The following NSUN2 variants were observed in gnomAD, a reference collection of about 807,000 sequenced individuals.
NSUN2 encodes the protein NOP2/Sun RNA methyltransferase 2.
NSUN2 carries 63 observed loss-of-function variants against 92.7 expected under a neutral mutation model. That is an observed-to-expected ratio of 0.68 (90% CI 0.56 to 0.84). The LOEUF (loss-of-function observed/expected upper bound fraction) is 0.84. Among genes scored for constraint, NSUN2 ranks in the 40% least tolerant of loss-of-function variants. The probability of loss-of-function intolerance (pLI) is 0.00; values close to 1 mark genes in which losing one functional copy is unlikely to be tolerated. For synonymous variants in NSUN2, 356 were observed against 348.3 expected, an observed-to-expected ratio of 1.02 and a Z score of -0.25; for missense variants, 989 against 964.9, an observed-to-expected ratio of 1.02 and a Z score of -0.33.
At chr5:6,612,557 G>C (rs149105169) in intron 9 of NSUN2, among the ~76,000 whole-genome samples, 2 of 152,288 alleles carry the variant, frequency 1.3e-5, no homozygotes, top group African/African-American at 4.8e-5. Context: ...CACAGATACT[G>C]ATGTGACAGC....
At chr5:6,616,040 G>C (rs577388665) in intron 9 of NSUN2, among the ~76,000 whole-genome samples, 1 of 152,002 alleles carries the variant, frequency 6.6e-6, no homozygotes, top group Non-Finnish European at 1.5e-5. Flanking sequence ...TTGTGCACTG[G>C]GGGTAGAAAT....
chr5:6,632,484 C>T lies in NSUN2; in HGVS notation c.254+115G>A, dbSNP rs776675662. The T allele has an allele frequency of 3.2e-6, 4 of 1,266,542 alleles. No individual in the cohort carries two copies. The East Asian group carries it at 9.4e-5, about 30-fold the overall frequency. 78.5% of individuals were successfully genotyped at this position (1,266,542 alleles called of 1,614,324 possible). On this transcript the variant is annotated intron_variant, in intron 2 of 18. Coordinates refer to ENST00000264670, the MANE Select transcript of NSUN2 (RefSeq NM_017755.6). ...CACCTCAATGCTTCCTGAATCCAAACCGCTGAAACGCCACGGTTCTCTGGC... is the reference window on the plus strand; with the variant it reads ...CACCTCAATGCTTCCTGAATCCAAATCGCTGAAACGCCACGGTTCTCTGGC...
rs1244494263 is a variant in NSUN2 at position 6,631,992 on chromosome 5, G to A, written c.255-15C>T. The A allele has an allele frequency of 5.1e-6, 8 of 1,583,978 alleles. No homozygotes were observed. Among genetic ancestry groups the A allele is most frequent in the Non-Finnish European group, 6.1e-6 (7 of 1,155,392 alleles). On this transcript the variant is annotated splice_polypyrimidine_tract_variant and intron_variant, in intron 2 of 18. Coordinates refer to ENST00000264670, the MANE Select transcript of NSUN2 (RefSeq NM_017755.6). ...CTTTTGCGTGGCTATTGAAAAATAAGGAAGTTTCAAACTGATCTAAAAAAC... is the reference window on the plus strand; with the variant it reads ...CTTTTGCGTGGCTATTGAAAAATAAAGAAGTTTCAAACTGATCTAAAAAAC...
At chr5:6,605,183 T>A in intron 15 of NSUN2, 90 bp downstream of exon 15, 1 of 1,544,328 alleles carries the variant, frequency 6.5e-7, no homozygotes, top group Non-Finnish European at 8.8e-7. Flanking sequence ...AGGGCAGATG[T>A]CACGGTCTGC....
rs184891875 is a variant in NSUN2, at chr5:6,602,432, G to A, written c.1997+29C>T. On this transcript the variant is annotated intron_variant, in intron 18 of 18. Transcript: ENST00000264670. ...CTGTAGCTAATGACAAGGCGTGTGT[G>A]TCTAAGGGCAGGGCGTGTACTGACT... 955 of 1,608,954 alleles carry A rather than the reference G, an allele frequency of 5.9e-4. 7 individuals carry two copies. The highest frequency in any genetic ancestry group is 5.5e-3 in the South Asian group (498 of 90,938).
Position 6,599,920 on chromosome 5 carries a change from G to A in NSUN2, c.*6C>T. The A allele has an allele frequency of 6.2e-7, 1 of 1,610,948 alleles. No homozygotes were observed. The highest frequency in any genetic ancestry group is 8.5e-7 in the Non-Finnish European group (1 of 1,179,182). ...GGGGTGTGGGCCCCCGCTGCCTTGG[G>A]CCTGCTCACCGGGGTGGATGGACCC... On this transcript the variant is annotated 3_prime_UTR_variant, in exon 19 of 19. Coordinates refer to ENST00000264670, the MANE Select transcript of NSUN2 (RefSeq NM_017755.6).
intron 15 of NSUN2, 135 bp downstream of exon 15, chr5:6,605,138 G>A: frequency 1.7e-6 from 2 of 1,185,444 alleles, no homozygotes; most frequent in South Asian, 2.9e-5. Flanking sequence ...TCAAAGGGCA[G>A]GCTCAGGGAC....
intron 6 of NSUN2, chr5:6,621,351 T>C (rs982640246): frequency 2.6e-5 from 4 of 151,860 alleles, no homozygotes; most frequent in African/African-American, 9.7e-5. Context: ...GTAATAATAA[T>C]AATAATAATA....
chr5:6,605,462 T>C (rs976005364), intron 14 of NSUN2, 54 bp from the exon 15 acceptor site: 4 of 1,582,966 alleles, frequency 2.5e-6, no homozygotes, highest in African/African-American at 1.3e-5. Flanking sequence ...TCTGGTAGAC[T>C]GTTTCTAAAC....
chr5:6,627,733 G>A (rs796933658), intron 3 of NSUN2, among the ~76,000 whole-genome samples: 3 of 152,262 alleles, frequency 2.0e-5, no homozygotes, highest in African/African-American at 4.8e-5. Context: ...GCAACAAAGC[G>A]AGGCCCTGTT....
chr5:6,615,319 G>A (rs1384004407), intron 9 of NSUN2, among the ~76,000 whole-genome samples: 1 of 152,208 alleles, frequency 6.6e-6, no homozygotes, highest in Non-Finnish European at 1.5e-5. Context: ...TGCTGCTCAA[G>A]CTGCCTGGAA....
chr5:6,623,723 T>C (rs1218456597), intron 4 of NSUN2, among the ~76,000 whole-genome samples: 1 of 152,230 alleles, frequency 6.6e-6, no homozygotes, highest in African/African-American at 2.4e-5. Flanking sequence ...TCCTCCACTA[T>C]TTTCAGACAT....
At chr5:6,618,228 A>C (rs1348277083) in intron 7 of NSUN2, among the ~76,000 whole-genome samples, 1 of 152,214 alleles carries the variant, frequency 6.6e-6, no homozygotes, top group Non-Finnish European at 1.5e-5. Context: ...TTATACTTCA[A>C]TTTTCAAGCA....
intron 7 of NSUN2, 150 bp downstream of exon 7, chr5:6,619,956 G>A (rs1737368292): frequency 1.9e-6 from 1 of 536,268 alleles, no homozygotes; most frequent in Non-Finnish European, 3.2e-6. Context: ...GTATCTACGT[G>A]TCCATCTTTT....
intron 18 of NSUN2, among the ~76,000 whole-genome samples, chr5:6,602,198 G>C (rs1441197104): frequency 2.6e-5 from 4 of 151,938 alleles, no homozygotes; most frequent in Non-Finnish European, 4.4e-5. Flanking sequence ...GGTTTCTAAT[G>C]CTTAAAAAAT....
chr5:6,623,110 A>G, intron 5 of NSUN2, 104 bp downstream of exon 5: 2 of 892,118 alleles, frequency 2.2e-6, no homozygotes, highest in South Asian at 4.0e-5. Flanking sequence ...AAAAGAAGAA[A>G]AAAAGGACTA....
intron 11 of NSUN2, among the ~76,000 whole-genome samples, chr5:6,610,594 G>T (rs1736945792): frequency 6.6e-6 from 1 of 151,112 alleles, no homozygotes; most frequent in Non-Finnish European, 1.5e-5. Context: ...TGAGGCACGA[G>T]AATTGCTTGA....
intron 5 of NSUN2, 110 bp downstream of exon 5, chr5:6,623,104 G>A (rs1579375839): frequency 1.3e-6 from 1 of 758,058 alleles, no homozygotes; most frequent in Non-Finnish European, 2.0e-6. Context: ...AAAGTGAAAA[G>A]AAGAAAAAAA....
chr5:6,604,028 T>A (rs1736657967), intron 17 of NSUN2, 110 bp downstream of exon 17: 2 of 987,740 alleles, frequency 2.0e-6, no homozygotes, highest in Non-Finnish European at 1.5e-6. Context: ...TAGCCATAAA[T>A]AAACTGAAAA....
Sources: gnomAD v4.1 joint callset for allele counts (sites outside exome capture counted in the v4.1 genomes callset) on GRCh38, gnomAD v4.1.1 for gene constraint, MANE v1.5 for transcripts, NCBI Gene and HGNC (gene_info 2026-07-23, HGNC 2026-07-21) for gene names.